ADAMTSL1: variants seen among roughly 807,000 people sequenced by gnomAD.
ADAMTSL1 encodes the protein ADAMTS-like protein 1.
A neutral mutation model predicts 201.8 loss-of-function variants in ADAMTSL1; 126 were observed. The observed-to-expected ratio is 0.62, with a 90% CI of 0.54 to 0.72. The LOEUF (loss-of-function observed/expected upper bound fraction) is 0.72, where lower values mean the gene tolerates loss of function less well. ADAMTSL1 is among the 30% of genes least tolerant of loss of function. The pLI, the probability that ADAMTSL1 is intolerant of heterozygous loss-of-function variation, is 0.00. For synonymous variants in ADAMTSL1, 1,121 were observed against 903.4 expected (o/e 1.24, Z -4.32); for missense variants, 2,679 against 2,277.8 (o/e 1.18, Z -3.59).
At chr9:18,907,067 T>C in intron 28 of ADAMTSL1, 155 bp downstream of exon 28, 3 of 758,376 alleles carry the variant, frequency 4.0e-6, no homozygotes, top group Non-Finnish European at 6.4e-6. Flanking sequence ...GTGGGGTGCA[T>C]GGGTGTATGC....
chr9:18,843,929 C>T (rs1324400978), intron 23 of ADAMTSL1, among the ~76,000 whole-genome samples: 1 of 152,086 alleles, frequency 6.6e-6, no homozygotes, highest in Non-Finnish European at 1.5e-5. Flanking sequence ...TCTAGTTATA[C>T]ATTCGTGTAA....
rs143591021 is a variant in ADAMTSL1 at position 18,653,785 on chromosome 9, A to C, written c.835-3854A>C. 8.1e-4 allele frequency among the ~76,000 whole-genome samples: 123 copies of C among 152,354 alleles called. No homozygotes were observed. In the East Asian group the frequency reaches 0.023, roughly 29 times the overall value. ...AATCATTTTTAATCTGCTAATGCCT[A>C]ATCTTAGCATTTCCAACTGTTAAAA... On this transcript the variant is annotated intron_variant, in intron 7 of 28. Coordinates refer to ENST00000380548, the MANE Select transcript of ADAMTSL1 (RefSeq NM_001040272.6).
At chr9:18,847,370 C>G (rs924730953) in intron 23 of ADAMTSL1, among the ~76,000 whole-genome samples, 4 of 152,146 alleles carry the variant, frequency 2.6e-5, no homozygotes, top group Non-Finnish European at 5.9e-5. Flanking sequence ...ATGTTTTCAG[C>G]ACCATTGAAG....
intron 1 of ADAMTSL1, among the ~76,000 whole-genome samples, chr9:18,100,854 C>T (rs1193593172): frequency 6.6e-6 from 1 of 152,148 alleles, no homozygotes; most frequent in Non-Finnish European, 1.5e-5. Context: ...CTATGTTTTC[C>T]AGTAAACACC....
intron 4 of ADAMTSL1, among the ~76,000 whole-genome samples, chr9:18,615,197 A>T (rs1365374066): frequency 6.6e-6 from 1 of 152,176 alleles, no homozygotes; most frequent in Non-Finnish European, 1.5e-5. Context: ...CATATTGGAA[A>T]CCTTAGTTGT....
At chr9:18,282,560 G>A (rs535667214) in intron 2 of ADAMTSL1, among the ~76,000 whole-genome samples, 15 of 152,270 alleles carry the variant, frequency 9.9e-5, no homozygotes, top group African/African-American at 3.6e-4. Context: ...TTGCTTTATG[G>A]CTTAGAATAT....
chr9:18,733,094 A>G (rs1818307929), intron 15 of ADAMTSL1, among the ~76,000 whole-genome samples: 1 of 152,112 alleles, frequency 6.6e-6, no homozygotes, highest in Non-Finnish European at 1.5e-5. Context: ...TCCCTCTGTC[A>G]CTGTGTTTAC....
rs558289263 is a variant in ADAMTSL1, at chr9:18,637,483, T to G, written c.676+1466T>G. Among the ~76,000 whole-genome samples, 4 of 152,260 alleles carry G rather than the reference T, an allele frequency of 2.6e-5. No individual in the cohort carries two copies. The East Asian group carries it at 7.7e-4, about 29-fold the overall frequency. On this transcript the variant is annotated intron_variant, in intron 6 of 28. Coordinates refer to ENST00000380548, the MANE Select transcript of ADAMTSL1 (RefSeq NM_001040272.6). ...GAGTAGATTTAAGAGGGAAATTTAT[T>G]TTTATAAATGTATTAGTCTCATAGA...
intron 2 of ADAMTSL1, among the ~76,000 whole-genome samples, chr9:18,209,699 G>A (rs75697800): frequency 0.012 from 1,851 of 152,218 alleles, 51 homozygotes; most frequent in African/African-American, 0.043. Context: ...CCTTATTCAT[G>A]TAAACACACC....
intron 2 of ADAMTSL1, among the ~76,000 whole-genome samples, chr9:18,278,235 G>A (rs935209039): frequency 1.3e-5 from 2 of 152,116 alleles, no homozygotes; most frequent in South Asian, 2.1e-4. Flanking sequence ...GACTTTTGAT[G>A]TTTATAGTGG....
intron 2 of ADAMTSL1, among the ~76,000 whole-genome samples, chr9:18,352,993 G>C (rs553924545): frequency 6.6e-6 from 1 of 152,166 alleles, no homozygotes; most frequent in Non-Finnish European, 1.5e-5. Flanking sequence ...AGATTTCTTG[G>C]ATGGCAGAGG....
Position 18,680,298 on chromosome 9 carries a change from C to T in ADAMTSL1, c.1137-14C>T, listed in dbSNP as rs773815630. ...TGTGCATGTCTGCCCTGATGACTCCCCTTGCTTCTGTAGGTGGGAGGCCAC... is the reference window on the plus strand; with the variant it reads ...TGTGCATGTCTGCCCTGATGACTCCTCTTGCTTCTGTAGGTGGGAGGCCAC... On this transcript the variant is annotated splice_polypyrimidine_tract_variant and intron_variant, in intron 10 of 28. Transcript: ENST00000380548. 1 of 1,613,248 alleles carries T rather than the reference C, an allele frequency of 6.2e-7. No individual in the cohort carries two copies. Among genetic ancestry groups the T allele is most frequent in the South Asian group, 1.1e-5 (1 of 90,872 alleles).
chr9:18,131,108 G>T (rs1825933422), intron 1 of ADAMTSL1, among the ~76,000 whole-genome samples: 1 of 152,018 alleles, frequency 6.6e-6, no homozygotes, highest in African/African-American at 2.4e-5. Flanking sequence ...GGCCCCATTT[G>T]GTTCCAAATC....
At chr9:18,270,425 G>A (rs548965523) in intron 2 of ADAMTSL1, among the ~76,000 whole-genome samples, 1 of 152,232 alleles carries the variant, frequency 6.6e-6, no homozygotes, top group East Asian at 1.9e-4. Flanking sequence ...CCTAAAATCT[G>A]CAAAGGCCAA....
intron 2 of ADAMTSL1, among the ~76,000 whole-genome samples, chr9:18,438,615 G>A (rs1367908737): frequency 6.6e-6 from 1 of 152,162 alleles, no homozygotes; most frequent in African/African-American, 2.4e-5. Context: ...TTCTTCTCGA[G>A]CTCGTGAATG....
chr9:18,004,206 A>G (rs1408523701), intron 1 of ADAMTSL1, among the ~76,000 whole-genome samples: 1 of 151,998 alleles, frequency 6.6e-6, no homozygotes, highest in African/African-American at 2.4e-5. Flanking sequence ...TGCAATATGG[A>G]AAGGATATGG....
intron 2 of ADAMTSL1, among the ~76,000 whole-genome samples, chr9:18,332,632 T>C (rs1835079509): frequency 6.6e-6 from 1 of 152,198 alleles, no homozygotes; most frequent in African/African-American, 2.4e-5. Flanking sequence ...ATTTTTCCTT[T>C]TTTCAAAAAA....
chr9:18,471,257 T>C (rs1821198169), upstream of ADAMTSL1, among the ~76,000 whole-genome samples: 1 of 152,206 alleles, frequency 6.6e-6, no homozygotes, highest in African/African-American at 2.4e-5. Flanking sequence ...TCTGAATATA[T>C]GTATGTGTAT....
intron 23 of ADAMTSL1, among the ~76,000 whole-genome samples, chr9:18,883,532 T>A (rs2131519299): frequency 6.6e-6 from 1 of 152,304 alleles, no homozygotes; most frequent in South Asian, 2.1e-4. Context: ...ATCATCACTG[T>A]CTCCAGAATT....
Sources: gnomAD v4.1 joint callset for allele counts (sites outside exome capture counted in the v4.1 genomes callset) on GRCh38, gnomAD v4.1.1 for gene constraint, MANE v1.5 for transcripts, NCBI Gene and HGNC (gene_info 2026-07-23, HGNC 2026-07-21) for gene names.